Variants in AGAP6 observed in about 807,000 individuals in gnomAD.
AGAP6 encodes the protein ArfGAP with GTPase domain, ankyrin repeat and PH domain 6, also known as arf-GAP with GTPase, ANK repeat and PH domain-containing protein 6.
In AGAP6, 29 loss-of-function variants were observed where a neutral mutation model predicts 63.9. That is an observed-to-expected ratio of 0.45 (90% CI 0.34 to 0.62). The LOEUF (loss-of-function observed/expected upper bound fraction) is 0.62, where lower values mean the gene tolerates loss of function less well. Among genes scored for constraint, AGAP6 ranks in the 20% least tolerant of loss-of-function variants. The pLI is 0.01. For missense variants in AGAP6, 493 were observed against 884.9 expected, an observed-to-expected ratio of 0.56 and a Z score of 5.62; for synonymous variants, 199 against 332.9, an observed-to-expected ratio of 0.60 and a Z score of 4.38.
intron 7 of AGAP6, 33 bp downstream of exon 7, chr10:50,008,109 A>G: frequency 5.6e-6 from 9 of 1,611,888 alleles, no homozygotes; most frequent in South Asian, 2.2e-5. Flanking sequence ...TTGTATTTTC[A>G]TCATACACTT....
At chr10:49,990,980 A>G (rs1453059140) in intron 2 of AGAP6, among the ~76,000 whole-genome samples, 1 of 152,082 alleles carries the variant, frequency 6.6e-6, no homozygotes, top group Non-Finnish European at 1.5e-5. Context: ...TGGATGTTAC[A>G]CACCAGTTAG....
chr10:50,009,752 A>G lies in AGAP6; in HGVS notation c.1627A>G (p.Ile543Val), dbSNP rs1554865324. The G allele has an allele frequency of 2.5e-6, 4 of 1,614,166 alleles. No homozygotes were observed. Among genetic ancestry groups the G allele is most frequent in the Non-Finnish European group, 2.5e-6 (3 of 1,180,008 alleles). Residue 543 changes from isoleucine to valine, a missense_variant, in exon 8 of 8, where the codon ATC becomes GTC. Physicochemically the swap from Ile to Val is conservative, Grantham distance 29. This residue lies in a region of AGAP6 where 87 missense variants were observed against 92.9 expected (regional missense o/e 0.94). Coordinates refer to ENST00000412531, the MANE Select transcript of AGAP6 (RefSeq NM_001077665.3). ...TATTGTCAATGACCTAGCCAACAGC[A>G]TCTGGGAAGGGAGCAGCCAGGGGCA... ...SSIVNDLANS[I>V]WEGSSQGQTK...
chr10:50,002,736 TTTCA>T (rs1841759198), intron 5 of AGAP6, among the ~76,000 whole-genome samples: 1 of 46,692 alleles, frequency 2.1e-5, no homozygotes, highest in Non-Finnish European at 4.3e-5. Context: ...TAATTTAACT[TTTCA>T]TTCTGTACAC....
At chr10:49,994,363 A>G (rs1554861599) in intron 3 of AGAP6, 32 bp from the exon 4 acceptor site, 2 of 1,526,026 alleles carry the variant, frequency 1.3e-6, no homozygotes, top group East Asian at 2.3e-5. Flanking sequence ...TATTTGTATC[A>G]GAAGTGACCA....
chr10:50,005,191 T>A (rs2132155690), intron 6 of AGAP6, among the ~76,000 whole-genome samples: 1 of 152,332 alleles, frequency 6.6e-6, no homozygotes, highest in East Asian at 1.9e-4. Flanking sequence ...CATTGAAAAA[T>A]AACTTTTCTA....
chr10:50,009,425 T>C lies in AGAP6; in HGVS notation c.1300T>C (p.Trp434Arg), dbSNP rs1554864993. 1.9e-6 allele frequency: 3 copies of C among 1,613,750 alleles called. No individual in the cohort carries two copies. The highest frequency in any genetic ancestry group is 1.7e-6 in the Non-Finnish European group (2 of 1,180,030). ...EATTYEERDA[W>R]VQAIQSQILA... Reference sequence around the variant, plus strand: ...CACGACGTATGAGGAGCGGGATGCCTGGGTCCAAGCCATCCAGAGCCAGAT... The same window carrying C: ...CACGACGTATGAGGAGCGGGATGCCCGGGTCCAAGCCATCCAGAGCCAGAT... The change falls in exon 8 of 8, where the codon TGG (tryptophan) becomes CGG (arginine). Residue 434 changes from tryptophan to arginine, a missense_variant. Coordinates refer to ENST00000412531, the MANE Select transcript of AGAP6 (RefSeq NM_001077665.3).
intron 6 of AGAP6, among the ~76,000 whole-genome samples, chr10:50,005,339 C>T (rs1430646979): frequency 1.3e-5 from 2 of 152,208 alleles, no homozygotes; most frequent in African/African-American, 4.8e-5. Context: ...AGGCTGGGCA[C>T]GGTGGCTCAC....
Position 50,008,298 on chromosome 10 carries a change from CTT to C in AGAP6, c.585+242_585+243del, listed in dbSNP as rs1181143677. ...ACTATCCAAACAACAGAAGATGTAT[CTT>C]TTTTTTTTTTTTTTTTTTTATGGAC... On this transcript the variant is annotated intron_variant, in intron 7 of 7. Coordinates refer to ENST00000412531, the MANE Select transcript of AGAP6 (RefSeq NM_001077665.3). Among the ~76,000 whole-genome samples the C allele has an allele frequency of 5.7e-4, 67 of 118,150 alleles. 1 individual carries two copies. The highest frequency in any genetic ancestry group is 1.8e-3 in the African/African-American group (54 of 30,596). The allele number at this position is 118,150 out of a possible 152,430, so 77.5% of individuals were successfully genotyped here.
chr10:50,009,231 C>T lies in AGAP6; in HGVS notation c.1106C>T (p.Thr369Ile), dbSNP rs1264321576. Residue 369 changes from threonine (T) to isoleucine (I), a missense_variant, in exon 8 of 8, where the codon ACC becomes ATC. Around this residue, in one of 7 missense-constraint regions of AGAP6, gnomAD observed 342 missense variants for 533.4 expected, o/e 0.64. Transcript: ENST00000412531. ...AATGGCCTATCCAAGGACATGGACA[C>T]CGGGCTGGGTGACTCCATATGCTTC... ...KSNGLSKDMD[T>I]GLGDSICFSP... is the part of the protein sequence containing the mutation. 1 of 1,614,220 alleles carries T rather than the reference C, an allele frequency of 6.2e-7. No homozygotes were observed. Among genetic ancestry groups the T allele is most frequent in the East Asian group, 2.2e-5 (1 of 44,888 alleles).
rs1264943414 is a variant in AGAP6, at chr10:49,988,784, GGT to G, written c.74_75del (p.Cys25SerfsTer3). On this transcript the variant is annotated frameshift_variant, in exon 1 of 8. Transcript: ENST00000412531. LOFTEE classifies it high-confidence loss of function. ...SLEFDQQQGS[V>X]CPSESETYEA... ...TCGAGTTTGACCAGCAGCAGGGGTC[GGT>G]GTGTCCCTCTGAATCTGAGACCTAT... is the stretch of plus-strand genomic sequence containing the variant. 1 of 1,596,910 alleles carries G rather than the reference GGT, an allele frequency of 6.3e-7. No individual in the cohort carries two copies. The highest frequency in any genetic ancestry group is 8.5e-7 in the Non-Finnish European group (1 of 1,179,514).
intron 2 of AGAP6, among the ~76,000 whole-genome samples, chr10:49,991,092 G>C (rs1403201087): frequency 3.9e-5 from 6 of 152,208 alleles, no homozygotes; most frequent in South Asian, 2.1e-4. Flanking sequence ...CTTTCCAATA[G>C]AAATAAGGCC....
chr10:50,010,384 T>G lies in AGAP6; in HGVS notation c.*198T>G, dbSNP rs1378402780. ...TTTATGTCCTTCTGCCAAGGTGGATTTGTTAGTCTCAGGCCCTCCTGGCCA... is the reference window on the plus strand; with the variant it reads ...TTTATGTCCTTCTGCCAAGGTGGATGTGTTAGTCTCAGGCCCTCCTGGCCA... On this transcript the variant is annotated 3_prime_UTR_variant, in exon 8 of 8. Coordinates refer to ENST00000412531, the MANE Select transcript of AGAP6 (RefSeq NM_001077665.3). 42 of 1,232,180 alleles carry G rather than the reference T, an allele frequency of 3.4e-5. No homozygotes were observed. In the South Asian group the frequency reaches 3.5e-4, roughly 10 times the overall value. 76.3% of individuals were successfully genotyped at this position (1,232,180 alleles called of 1,614,324 possible).
At chr10:49,994,952 A>T (rs530091775) in intron 4 of AGAP6, among the ~76,000 whole-genome samples, 13 of 143,744 alleles carry the variant, frequency 9.0e-5, no homozygotes, top group African/African-American at 3.4e-4. Flanking sequence ...ACAGAGCGAA[A>T]CTCTGTCTCA....
In AGAP6 at chr10:49,988,605, G is replaced by A; in HGVS notation, c.-111G>A. The A allele has an allele frequency of 1.3e-6, 2 of 1,553,966 alleles. No homozygotes were observed. Among genetic ancestry groups the A allele is most frequent in the Admixed American group, 1.9e-5 (1 of 52,452 alleles). Reference sequence around the variant, plus strand: ...TCGCTGTGAGGTGGGCAGGCGAGGAGCGGGAAGACCATCTCTGCAAGTGCA... The same window carrying A: ...TCGCTGTGAGGTGGGCAGGCGAGGAACGGGAAGACCATCTCTGCAAGTGCA... On this transcript the variant is annotated 5_prime_UTR_variant, in exon 1 of 8. Coordinates refer to ENST00000412531, the MANE Select transcript of AGAP6 (RefSeq NM_001077665.3).
At chr10:49,991,887 A>G (rs1841294952) in intron 3 of AGAP6, 143 bp downstream of exon 3, 4 of 1,328,548 alleles carry the variant, frequency 3.0e-6, no homozygotes, top group Non-Finnish European at 4.1e-6. Flanking sequence ...AATATGTGAT[A>G]TACTTTCCTT....
At chr10:50,004,145 A>G (rs1268715707) in intron 5 of AGAP6, among the ~76,000 whole-genome samples, 4 of 151,474 alleles carry the variant, frequency 2.6e-5, no homozygotes, top group Admixed American at 2.0e-4. Context: ...AGATCACACC[A>G]TTGCACTCCA....
chr10:50,008,983 G>A lies in AGAP6; in HGVS notation c.858G>A (p.Gln286=). 1 of 1,613,996 alleles carries A rather than the reference G, an allele frequency of 6.2e-7. No individual in the cohort carries two copies. Among genetic ancestry groups the A allele is most frequent in the South Asian group, 1.1e-5 (1 of 91,076 alleles). Residue 286 remains glutamine, a synonymous_variant, in exon 8 of 8, where the codon CAG becomes CAA. Transcript: ENST00000412531. ...IGSGRAIPIK[Q]GMLLKRSGKW... is the part of the protein sequence containing the mutation. ...GCGGTAGAGCCATCCCCATTAAACA[G>A]GGCATGCTCTTAAAGCGAAGTGGGA...
chr10:50,009,631 C>T lies in AGAP6; in HGVS notation c.1506C>T (p.Cys502=), dbSNP rs782660528. ...LNLGVLMCIE[C]SGIHRSLGPH... Reference sequence around the variant, plus strand: ...TGGGAGTCCTCATGTGTATTGAATGCTCAGGTATCCACCGCAGTCTTGGCC... The same window carrying T: ...TGGGAGTCCTCATGTGTATTGAATGTTCAGGTATCCACCGCAGTCTTGGCC... Residue 502 remains cysteine, a synonymous_variant, in exon 8 of 8, where the codon TGC becomes TGT. Coordinates refer to ENST00000412531, the MANE Select transcript of AGAP6 (RefSeq NM_001077665.3). 3.1e-6 allele frequency: 5 copies of T among 1,613,644 alleles called. No homozygotes were observed. In the African/African-American group the frequency reaches 4.0e-5, roughly 13 times the overall value.
intron 7 of AGAP6, 95 bp from the exon 8 acceptor site, chr10:50,008,616 A>G (rs1842000913): frequency 3.3e-6 from 5 of 1,520,314 alleles, no homozygotes; most frequent in South Asian, 1.4e-5. Context: ...TGGCCCAGAA[A>G]ATGTATCTTT....
Sources: allele counts gnomAD v4.1 joint callset (sites outside exome capture counted in the v4.1 genomes callset), GRCh38; gene constraint gnomAD v4.1.1; regional missense constraint gnomAD v4.1.1; transcripts MANE v1.5; gene names NCBI Gene and HGNC (gene_info 2026-07-23, HGNC 2026-07-21).